The following DNM3 variants were observed in gnomAD, a reference collection of about 807,000 sequenced individuals.
DNM3 encodes dynamin-3.
DNM3 carries 47 observed loss-of-function variants against 101.6 expected under a neutral mutation model. That is an observed-to-expected ratio of 0.46 (90% CI 0.37 to 0.59). The LOEUF (loss-of-function observed/expected upper bound fraction) is 0.59, where lower values mean the gene tolerates loss of function less well. DNM3 is among the 20% of genes least tolerant of loss of function. The pLI is 0.00. For missense variants in DNM3, 849 were observed against 1,085.7 expected, an observed-to-expected ratio of 0.78 and a Z score of 3.06; for synonymous variants, 385 against 387.9, an observed-to-expected ratio of 0.99 and a Z score of 0.09.
chr1:171,929,981 G>A (rs1404010915), intron 2 of DNM3, among the ~76,000 whole-genome samples: 1 of 151,658 alleles, frequency 6.6e-6, no homozygotes. Flanking sequence ...TGGGAGCTCT[G>A]TCCCAGTGAG....
At position 172,209,994 on chromosome 1, in the gene DNM3, A is replaced by G. The variant is rs1038877890; in HGVS notation, c.1660-43579A>G. ...TTACATAATAATAATATTGTAGCTA[A>G]CACTTACTGTTTACTGTGTGCCAAA... On this transcript the variant is annotated intron_variant, in intron 14 of 20. Transcript: ENST00000627582. 6.6e-5 allele frequency among the ~76,000 whole-genome samples: 10 copies of G among 152,186 alleles called. No individual in the cohort carries two copies. The East Asian group carries it at 1.2e-3, about 18-fold the overall frequency.
intron 14 of DNM3, among the ~76,000 whole-genome samples, chr1:172,250,967 A>G (rs1311920664): frequency 3.3e-5 from 5 of 152,162 alleles, no homozygotes; most frequent in East Asian, 1.9e-4. Flanking sequence ...TTTACCCCCA[A>G]TATATTCAAA....
At chr1:172,139,135 A>C (rs552929071) in intron 14 of DNM3, 8 of 311,716 alleles carry the variant, frequency 2.6e-5, no homozygotes, top group African/African-American at 1.8e-4. Flanking sequence ...CAGAAAACTC[A>C]CATTAAAATT....
chr1:171,862,663 T>C (rs2125048853), intron 1 of DNM3, among the ~76,000 whole-genome samples: 1 of 152,248 alleles, frequency 6.6e-6, no homozygotes, highest in South Asian at 2.1e-4. Context: ...GAGATGGTGT[T>C]TTATAATATC....
intron 2 of DNM3, among the ~76,000 whole-genome samples, chr1:171,933,376 C>T (rs1044498187): frequency 3.9e-5 from 6 of 152,114 alleles, no homozygotes; most frequent in African/African-American, 1.2e-4. Flanking sequence ...ATTTATTCAA[C>T]AAATATTTAT....
chr1:172,046,462 G>A (rs1326910940), intron 9 of DNM3, among the ~76,000 whole-genome samples: 7 of 151,852 alleles, frequency 4.6e-5, no homozygotes, highest in African/African-American at 4.8e-5. Context: ...GCTAAATGAC[G>A]AGTTAATGGG....
Position 172,412,007 on chromosome 1 carries a change from A to C in DNM3, c.*4166A>C. 1 of 985,660 alleles carries C rather than the reference A, an allele frequency of 1.0e-6. No individual in the cohort carries two copies. Among genetic ancestry groups the C allele is most frequent in the Non-Finnish European group, 1.2e-6 (1 of 829,848 alleles). The allele number at this position is 985,660 out of a possible 1,614,324, so 61.1% of individuals were successfully genotyped here. ...GCTGTGTAGGTGAAACTTTAAGAATATTTTTGAAGCATATGTAATATATGC... is the reference window on the plus strand; with the variant it reads ...GCTGTGTAGGTGAAACTTTAAGAATCTTTTTGAAGCATATGTAATATATGC... On this transcript the variant is annotated 3_prime_UTR_variant, in exon 21 of 21. Transcript: ENST00000627582.
chr1:172,147,945 C>T (rs1056556959), intron 14 of DNM3, among the ~76,000 whole-genome samples: 3 of 152,018 alleles, frequency 2.0e-5, no homozygotes, highest in South Asian at 2.1e-4. Context: ...TCATGTACAA[C>T]GTATTTGTTT....
In DNM3 at chr1:172,412,245, A is replaced by AAACTTCGC. The variant is rs1258111102; in HGVS notation, c.*4405_*4412dup. On this transcript the variant is annotated 3_prime_UTR_variant, in exon 21 of 21. Transcript: ENST00000627582. ...TTTAATTTTTACTCTTGAATTCCTT[A>AAACTTCGC]AACTTCGCTCATTATGAAATGTTTT... The AAACTTCGC allele has an allele frequency of 6.1e-6, 6 of 985,198 alleles. No individual in the cohort carries two copies. In the African/African-American group the frequency reaches 1.0e-4, roughly 17 times the overall value. 61.0% of individuals were successfully genotyped at this position (985,198 alleles called of 1,614,324 possible).
At chr1:172,277,107 A>G (rs1381512716) in intron 15 of DNM3, among the ~76,000 whole-genome samples, 1 of 152,110 alleles carries the variant, frequency 6.6e-6, no homozygotes, top group Non-Finnish European at 1.5e-5. Flanking sequence ...TAATGGGTAC[A>G]AAAATGGTCC....
At chr1:172,293,593 A>C (rs879761413) in intron 15 of DNM3, among the ~76,000 whole-genome samples, 23 of 152,192 alleles carry the variant, frequency 1.5e-4, no homozygotes, top group Admixed American at 3.3e-4. Context: ...AGAACCTGGA[A>C]GCTTCATCGA....
intron 15 of DNM3, among the ~76,000 whole-genome samples, chr1:172,290,281 G>T (rs1175577130): frequency 2.0e-5 from 3 of 152,188 alleles, no homozygotes; most frequent in Non-Finnish European, 4.4e-5. Flanking sequence ...AAAAGAGTAA[G>T]AATGGGTGAA....
intron 17 of DNM3, among the ~76,000 whole-genome samples, chr1:172,332,867 C>T (rs957614045): frequency 6.6e-6 from 1 of 152,182 alleles, no homozygotes; most frequent in Non-Finnish European, 1.5e-5. Flanking sequence ...ATGACTCTCA[C>T]TATCCAAATG....
intron 4 of DNM3, among the ~76,000 whole-genome samples, chr1:172,019,404 G>C (rs150089128): frequency 7.0e-6 from 1 of 142,342 alleles, no homozygotes; most frequent in Admixed American, 7.0e-5. Context: ...CTTCTTTCAA[G>C]ATTTTTATTT....
intron 15 of DNM3, among the ~76,000 whole-genome samples, chr1:172,299,063 T>C (rs2064309259): frequency 6.6e-6 from 1 of 152,154 alleles, no homozygotes; most frequent in Non-Finnish European, 1.5e-5. Context: ...AAGTGATGAC[T>C]GAGTTGAAAT....
chr1:172,204,583 T>C (rs1197275997), intron 14 of DNM3, among the ~76,000 whole-genome samples: 1 of 152,184 alleles, frequency 6.6e-6, no homozygotes, highest in Non-Finnish European at 1.5e-5. Flanking sequence ...CTCTTCTGCA[T>C]GTTCTATCTT....
intron 14 of DNM3, among the ~76,000 whole-genome samples, chr1:172,163,215 C>A (rs1301111855): frequency 1.3e-5 from 2 of 150,044 alleles, no homozygotes; most frequent in Non-Finnish European, 3.0e-5. Flanking sequence ...TAGCAAATTT[C>A]AAGTTTACAG....
intron 18 of DNM3, among the ~76,000 whole-genome samples, chr1:172,385,261 C>A (rs1411228310): frequency 6.6e-6 from 1 of 152,194 alleles, no homozygotes; most frequent in Non-Finnish European, 1.5e-5. Flanking sequence ...TCACTACCAC[C>A]CTTGCAAAGT....
chr1:172,182,276 G>C (rs1179777881), intron 14 of DNM3, among the ~76,000 whole-genome samples: 1 of 151,660 alleles, frequency 6.6e-6, no homozygotes, highest in Admixed American at 6.6e-5. Context: ...ACTAGATAAA[G>C]CATAAAAATG....
Sources: allele counts gnomAD v4.1 joint callset (sites outside exome capture counted in the v4.1 genomes callset), GRCh38; gene constraint gnomAD v4.1.1; transcripts MANE v1.5; gene names NCBI Gene and HGNC (gene_info 2026-07-23, HGNC 2026-07-21).